The following GLYATL1 variants were observed in gnomAD, a reference collection of about 807,000 sequenced individuals.
The protein encoded by GLYATL1 is glycine N-acyltransferase-like protein 1.
A neutral mutation model predicts 20.0 loss-of-function variants in GLYATL1; 15 were observed. The observed-to-expected ratio is 0.75, with a 90% confidence interval of 0.50 to 1.15. The LOEUF (loss-of-function observed/expected upper bound fraction) is 1.15, where lower values mean the gene tolerates loss of function less well. Among genes scored for constraint, GLYATL1 ranks in the 50% most tolerant of loss-of-function variants. GLYATL1 has a pLI of 0.00. For missense variants in GLYATL1, 380 were observed against 368.5 expected, an observed-to-expected ratio of 1.03 and a Z score of -0.26; for synonymous variants, 151 against 131.5, an observed-to-expected ratio of 1.15 and a Z score of -1.01.
chr11:58,927,405 C>T (rs1245581928), upstream of GLYATL1, among the ~76,000 whole-genome samples: 3 of 152,234 alleles, frequency 2.0e-5, no homozygotes, highest in Non-Finnish European at 2.9e-5. Flanking sequence ...GAGAGTCAGG[C>T]AGGTGCGTCC....
intron 1 of GLYATL1, chr11:58,927,894 A>T (rs776043773): frequency 8.5e-5 from 13 of 152,198 alleles, no homozygotes; most frequent in Non-Finnish European, 1.5e-4. Context: ...AGACGAGGTG[A>T]TAAGGCAGGT....
chr11:58,943,100 T>G, intron 1 of GLYATL1: 2 of 547,974 alleles, frequency 3.6e-6, no homozygotes, highest in Non-Finnish European at 5.9e-6. Context: ...CAATAAATTT[T>G]GCTACAAACT....
chr11:58,919,163 G>T (rs1364288696), intron 1 of GLYATL1, among the ~76,000 whole-genome samples: 2 of 152,170 alleles, frequency 1.3e-5, no homozygotes, highest in Non-Finnish European at 2.9e-5. Flanking sequence ...ATGTACTTTT[G>T]GCATGGCCAT....
rs767174826 is a variant in GLYATL1, at chr11:58,954,805, A to G, written c.222A>G (p.Val74=). The change falls in exon 5 of 7, where the codon GTA becomes GTG. Residue 74 remains valine, a synonymous_variant. Coordinates refer to ENST00000532726, the MANE Select transcript of GLYATL1 (RefSeq NM_001389712.2). The part of the protein sequence containing the change: ...MTDDMDSYTN[V]YRMFSKEPQK... Reference sequence around the variant, plus strand: ...ATGACATGGATTCATACACAAACGTATATCGTATGTTCTCCAAAGAGCCTC... The same window carrying G: ...ATGACATGGATTCATACACAAACGTGTATCGTATGTTCTCCAAAGAGCCTC... 1.1e-5 allele frequency: 17 copies of G among 1,609,630 alleles called. No individual in the cohort carries two copies. Among genetic ancestry groups the G allele is most frequent in the South Asian group, 8.8e-5 (8 of 90,436 alleles).
At chr11:58,952,045 C>G (rs1857031610) in intron 4 of GLYATL1, among the ~76,000 whole-genome samples, 1 of 25,388 alleles carries the variant, frequency 3.9e-5, no homozygotes, top group African/African-American at 8.8e-5. Flanking sequence ...GGAAACAATT[C>G]CAACTAATAA....
upstream of GLYATL1, among the ~76,000 whole-genome samples, chr11:58,936,055 T>A (rs1855821202): frequency 6.6e-6 from 1 of 152,214 alleles, no homozygotes. Context: ...GATTTTCTGA[T>A]GATAAGTATA....
At chr11:58,952,820 G>A (rs547653880) in intron 4 of GLYATL1, among the ~76,000 whole-genome samples, 14 of 152,272 alleles carry the variant, frequency 9.2e-5, no homozygotes, top group Non-Finnish European at 1.6e-4. Context: ...TTGATTTTCT[G>A]TTACAGCAGT....
At chr11:58,950,158 G>A (rs1455558318) in intron 4 of GLYATL1, among the ~76,000 whole-genome samples, 1 of 149,966 alleles carries the variant, frequency 6.7e-6, no homozygotes, top group Non-Finnish European at 1.5e-5. Flanking sequence ...GGGCGTGGTG[G>A]CGGGCGCCTG....
At position 58,954,814 on chromosome 11, in the gene GLYATL1, G is replaced by A. The variant is rs1333806102; in HGVS notation, c.231G>A (p.Met77Ile). 2.5e-6 allele frequency: 4 copies of A among 1,612,634 alleles called. No individual in the cohort carries two copies. The South Asian group carries it at 3.3e-5, about 13-fold the overall frequency. ...ATTCATACACAAACGTATATCGTATGTTCTCCAAAGAGCCTCAAAAATCAG... is the reference window on the plus strand; with the variant it reads ...ATTCATACACAAACGTATATCGTATATTCTCCAAAGAGCCTCAAAAATCAG... ...DMDSYTNVYR[M>I]FSKEPQKSEE... Residue 77 changes from methionine (M) to isoleucine (I), a missense_variant, in exon 5 of 7, where the codon ATG (methionine) becomes ATA (isoleucine). Coordinates refer to ENST00000532726, the MANE Select transcript of GLYATL1 (RefSeq NM_001389712.2).
At chr11:58,936,974 C>T (rs944277913), upstream of GLYATL1, among the ~76,000 whole-genome samples, 3 of 152,188 alleles carry the variant, frequency 2.0e-5, no homozygotes, top group South Asian at 2.1e-4. Context: ...TTCAAGAATC[C>T]ACTTTCATGT....
At chr11:58,947,596 G>A in intron 3 of GLYATL1, 1 of 504,564 alleles carries the variant, frequency 2.0e-6, no homozygotes, top group Non-Finnish European at 3.6e-6. Context: ...CAATATAAAT[G>A]CTAAGAGCAT....
chr11:58,955,148 A>G, intron 5 of GLYATL1, 28 bp from the exon 6 acceptor site: 1 of 1,603,502 alleles, frequency 6.2e-7, no homozygotes, highest in South Asian at 1.1e-5. Context: ...CATGTCTGAC[A>G]AGATTGCTTT....
At position 58,956,250 on chromosome 11, in the gene GLYATL1, G is replaced by T; in HGVS notation, c.*223G>T. On this transcript the variant is annotated 3_prime_UTR_variant, in exon 7 of 7. Transcript: ENST00000532726. Reference sequence around the variant, plus strand: ...GTATATTCTTTAAATATGCTTAAGTGTTATAGGGAAAGACGGGGTTACCAG... The same window carrying T: ...GTATATTCTTTAAATATGCTTAAGTTTTATAGGGAAAGACGGGGTTACCAG... The T allele has an allele frequency of 1.9e-6, 1 of 522,672 alleles. No individual in the cohort carries two copies. The highest frequency in any genetic ancestry group is 3.4e-6 in the Non-Finnish European group (1 of 296,974). The allele number at this position is 522,672 out of a possible 1,614,324, so 32.4% of individuals were successfully genotyped here.
At chr11:58,947,822 C>T (rs1266959877) in intron 3 of GLYATL1, 36 bp from the exon 4 acceptor site, 8 of 1,415,264 alleles carry the variant, frequency 5.7e-6, no homozygotes, top group Non-Finnish European at 7.0e-6. Flanking sequence ...CTCTGGGGAT[C>T]TCAACCTCTC....
At chr11:58,909,186 T>C (rs1854979951), downstream of GLYATL1, among the ~76,000 whole-genome samples, 1 of 152,184 alleles carries the variant, frequency 6.6e-6, no homozygotes, top group Non-Finnish European at 1.5e-5. Flanking sequence ...TAATGAATAA[T>C]AAATCTAAAA....
downstream of GLYATL1, among the ~76,000 whole-genome samples, chr11:58,909,470 T>G (rs1371608539): frequency 6.6e-6 from 1 of 152,178 alleles, no homozygotes; most frequent in South Asian, 2.1e-4. Flanking sequence ...TAGATTCTGG[T>G]GATAATGTAT....
intron 1 of GLYATL1, among the ~76,000 whole-genome samples, chr11:58,919,058 G>T (rs761800016): frequency 4.2e-4 from 64 of 152,220 alleles, no homozygotes; most frequent in Non-Finnish European, 3.7e-4. Context: ...TCCTAATGTG[G>T]TTGGATTACA....
intron 1 of GLYATL1, among the ~76,000 whole-genome samples, chr11:58,915,376 C>T (rs1044105106): frequency 6.6e-6 from 1 of 152,190 alleles, no homozygotes; most frequent in African/African-American, 2.4e-5. Flanking sequence ...GTCCTCCTTT[C>T]CCATGTGAGC....
At chr11:58,928,552 G>A (rs1433254486) in intron 1 of GLYATL1, 2 of 152,146 alleles carry the variant, frequency 1.3e-5, no homozygotes, top group African/African-American at 2.4e-5. Flanking sequence ...CTCACAACAG[G>A]GCAGTAGCTA....
Sources: allele counts gnomAD v4.1 joint callset (sites outside exome capture counted in the v4.1 genomes callset), GRCh38; gene constraint gnomAD v4.1.1; transcripts MANE v1.5; gene names NCBI Gene and HGNC (gene_info 2026-07-23, HGNC 2026-07-21).